ZNF337: variants seen among roughly 807,000 people sequenced by gnomAD.
ZNF337 encodes zinc finger protein 337.
In ZNF337, 8 loss-of-function variants were observed where a neutral mutation model predicts 12.1. The ratio of observed to expected loss-of-function variants is 0.66; its 90% CI spans 0.39 to 1.19. The LOEUF is 1.19. Ranked by LOEUF, ZNF337 falls within the 50% of genes most tolerant of loss-of-function variation. The pLI is 0.01. For missense variants in ZNF337, 882 were observed against 896.6 expected (o/e 0.98, Z 0.21); for synonymous variants, 336 against 320.0 (o/e 1.05, Z -0.53).
Position 25,674,099 on chromosome 20 carries a change from A to G in ZNF337, c.*933T>C, listed in dbSNP as rs912017575. 6.6e-6 allele frequency: 1 copy of G among 152,240 alleles called. No individual in the cohort carries two copies. Among genetic ancestry groups the G allele is most frequent in the African/African-American group, 2.4e-5 (1 of 41,460 alleles). The allele number at this position is 152,240 out of a possible 1,614,324, so 9.4% of individuals were successfully genotyped here. ...TGGAGGGAGTTCTCTGCAAAGACCA[A>G]TATGGGACTGCATATACAGAGATTT... On this transcript the variant is annotated 3_prime_UTR_variant, in exon 5 of 5. Coordinates refer to ENST00000252979, the MANE Select transcript of ZNF337 (RefSeq NM_015655.4).
chr20:25,674,942 AC>A lies in ZNF337; in HGVS notation c.*89del. 1.6e-6 allele frequency: 2 copies of A among 1,230,612 alleles called. No homozygotes were observed. The highest frequency in any genetic ancestry group is 1.4e-5 in the South Asian group (1 of 69,446). 76.2% of individuals were successfully genotyped at this position (1,230,612 alleles called of 1,614,324 possible). On this transcript the variant is annotated 3_prime_UTR_variant, in exon 5 of 5. Transcript: ENST00000252979. ...TTCTGTCTGCCTCTGTTATATCTTC[AC>A]GAACAAGTTATGCAGCCTCAACTAA...
rs964248276 is a variant in ZNF337 at position 25,674,795 on chromosome 20, C to G, written c.*237G>C. On this transcript the variant is annotated 3_prime_UTR_variant, in exon 5 of 5. Transcript: ENST00000252979. ...CTCAGTAGGAAAGAGACCACATTTC[C>G]CCAATAGCCCAGGTAATGCCCTCCC... 3.6e-6 allele frequency: 2 copies of G among 561,626 alleles called. No individual in the cohort carries two copies. The highest frequency in any genetic ancestry group is 6.3e-6 in the Non-Finnish European group (2 of 316,064). The allele number at this position is 561,626 out of a possible 1,614,324, so 34.8% of individuals were successfully genotyped here.
chr20:25,675,934 T>C lies in ZNF337; in HGVS notation c.1354A>G (p.Ile452Val). 6.2e-7 allele frequency: 1 copy of C among 1,613,714 alleles called. No individual in the cohort carries two copies. The highest frequency in any genetic ancestry group is 8.5e-7 in the Non-Finnish European group (1 of 1,179,884). The part of the protein sequence containing the change: ...IQKSTLVKHQ[I>V]THSEEKPFVC... ...AAAGGCTTCTCCTCTGAGTGTGTGATCTGATGTTTCACAAGGGTTGACTTC... is the reference window on the plus strand; with the variant it reads ...AAAGGCTTCTCCTCTGAGTGTGTGACCTGATGTTTCACAAGGGTTGACTTC... The change falls in exon 5 of 5, where the codon ATC becomes GTC. Residue 452 changes from isoleucine to valine, a missense_variant. Ile to Val is a conservative substitution (Grantham distance 29). Coordinates refer to ENST00000252979, the MANE Select transcript of ZNF337 (RefSeq NM_015655.4).
At chr20:25,686,782 C>A in intron 1 of ZNF337, 1 of 233,762 alleles carries the variant, frequency 4.3e-6, no homozygotes. Context: ...GTTCTTTGCA[C>A]TGGACAGAAT....
Position 25,674,916 on chromosome 20 carries a change from A to T in ZNF337, c.*116T>A. ...ATTCAGGTTCTCTGTAGCCCTCTGG[A>T]TTCTGTCTGCCTCTGTTATATCTTC... is the stretch of plus-strand genomic sequence containing the variant. On this transcript the variant is annotated 3_prime_UTR_variant, in exon 5 of 5. Transcript: ENST00000252979. 1 of 935,634 alleles carries T rather than the reference A, an allele frequency of 1.1e-6. No individual in the cohort carries two copies. The allele number at this position is 935,634 out of a possible 1,614,324, so 58.0% of individuals were successfully genotyped here.
At position 25,676,247 on chromosome 20, in the gene ZNF337, A is replaced by AGGCT; in HGVS notation, c.1037_1040dup (p.Tyr348AlafsTer12). The AGGCT allele has an allele frequency of 5.0e-6, 8 of 1,612,578 alleles. No homozygotes were observed. Among genetic ancestry groups the AGGCT allele is most frequent in the Non-Finnish European group, 5.9e-6 (7 of 1,179,630 alleles). ...CTCGGCCACACTCCTGGCATCTGTA[A>AGGCT]GGCTTCTCTCCTGAGTGTATTCTCT... is the stretch of plus-strand genomic sequence containing the variant. On this transcript the variant is annotated frameshift_variant, in exon 5 of 5. Transcript: ENST00000252979. LOFTEE classifies it low-confidence loss of function (END_TRUNC).
chr20:25,682,143 A>G (rs984982233), intron 4 of ZNF337, among the ~76,000 whole-genome samples: 5 of 152,222 alleles, frequency 3.3e-5, no homozygotes, highest in Non-Finnish European at 7.3e-5. Flanking sequence ...TGAAATAAGG[A>G]AAGTTAAATG....
chr20:25,684,657 T>C (rs932936022), intron 4 of ZNF337, among the ~76,000 whole-genome samples: 2 of 152,222 alleles, frequency 1.3e-5, no homozygotes, highest in Non-Finnish European at 2.9e-5. Context: ...ATCATTCTAC[T>C]ATAAAGACAC....
intron 1 of ZNF337, among the ~76,000 whole-genome samples, chr20:25,693,652 G>A (rs553977983): frequency 1.3e-5 from 2 of 152,330 alleles, no homozygotes; most frequent in Non-Finnish European, 2.9e-5. Flanking sequence ...TCTGGGGAAC[G>A]TTCCCCATGA....
chr20:25,675,237 G>C lies in ZNF337; in HGVS notation c.2051C>G (p.Pro684Arg). ...TCGCTTACACTCCTGGCAAACAAAA[G>C]GCTTCTCCTTTGAGTGTATCCGCCA... ...HHWRIHSKEK[P>R]FVCQECKRGY... is the part of the protein sequence containing the mutation. Residue 684 changes from proline to arginine, a missense_variant, in exon 5 of 5, where the codon CCT (proline) becomes CGT (arginine). Coordinates refer to ENST00000252979, the MANE Select transcript of ZNF337 (RefSeq NM_015655.4). The C allele has an allele frequency of 6.2e-7, 1 of 1,614,174 alleles. No individual in the cohort carries two copies. The highest frequency in any genetic ancestry group is 8.5e-7 in the Non-Finnish European group (1 of 1,180,042).
At chr20:25,684,398 A>G (rs958152862) in intron 4 of ZNF337, among the ~76,000 whole-genome samples, 1 of 152,162 alleles carries the variant, frequency 6.6e-6, no homozygotes, top group African/African-American at 2.4e-5. Flanking sequence ...TTAAAAAAAG[A>G]GAAATGCAAA....
chr20:25,683,905 T>C (rs576785166), intron 4 of ZNF337, among the ~76,000 whole-genome samples: 39 of 152,128 alleles, frequency 2.6e-4, no homozygotes, highest in Non-Finnish European at 5.1e-4. Context: ...CATGCACACG[T>C]ATGTTTATTG....
At chr20:25,685,543 T>C (rs1189941484) in intron 4 of ZNF337, 24 bp downstream of exon 4, 8 of 1,598,388 alleles carry the variant, frequency 5.0e-6, no homozygotes, top group Non-Finnish European at 6.9e-6. Context: ...CCTTGTGCTC[T>C]GTCTGCCCTG....
chr20:25,684,567 C>T lies in ZNF337; in HGVS notation c.250+1000G>A, dbSNP rs187338989. Among the ~76,000 whole-genome samples the T allele has an allele frequency of 8.3e-3, 1,257 of 152,114 alleles. 9 individuals are homozygous for T. Among genetic ancestry groups the T allele is most frequent in the Middle Eastern group, 0.034 (10 of 294 alleles). ...TCAACCATTGTGGAAGACAGTGTGG[C>T]GATTCCTCAAGGATCTAGAACTAGA... On this transcript the variant is annotated intron_variant, in intron 4 of 4. Coordinates refer to ENST00000252979, the MANE Select transcript of ZNF337 (RefSeq NM_015655.4).
intron 4 of ZNF337, among the ~76,000 whole-genome samples, chr20:25,684,007 G>A (rs1167348397): frequency 1.3e-5 from 2 of 151,960 alleles, no homozygotes; most frequent in African/African-American, 4.8e-5. Flanking sequence ...TATACACCAT[G>A]GAATACTATG....
chr20:25,685,622 C>G lies in ZNF337; in HGVS notation c.195G>C (p.Glu65Asp). The change falls in exon 4 of 5, where the codon GAG becomes GAC. Residue 65 changes from glutamate to aspartate, a missense_variant. By Grantham distance (45) the Glu-to-Asp change is conservative. Coordinates refer to ENST00000252979, the MANE Select transcript of ZNF337 (RefSeq NM_015655.4). Reference sequence around the variant, plus strand: ...CTTCTCCCCAGGGCACTTCCCCTTGCTCTAGCCGCCTGATGAGTTCTGGTT... The same window carrying G: ...CTTCTCCCCAGGGCACTTCCCCTTGGTCTAGCCGCCTGATGAGTTCTGGTT... Reference protein sequence around the residue: ...HSKPELIRRLEQGEVPWGEER... With the variant: ...HSKPELIRRLDQGEVPWGEER... The G allele has an allele frequency of 6.2e-7, 1 of 1,614,224 alleles. No individual in the cohort carries two copies. The highest frequency in any genetic ancestry group is 1.1e-5 in the South Asian group (1 of 91,086).
rs948239949 is a variant in ZNF337 at position 25,674,943 on chromosome 20, C to T, written c.*89G>A. 10 of 1,252,662 alleles carry T rather than the reference C, an allele frequency of 8.0e-6. No individual in the cohort carries two copies. The highest frequency in any genetic ancestry group is 4.7e-5 in the East Asian group (2 of 42,548). 77.6% of individuals were successfully genotyped at this position (1,252,662 alleles called of 1,614,324 possible). Reference sequence around the variant, plus strand: ...TCTGTCTGCCTCTGTTATATCTTCACGAACAAGTTATGCAGCCTCAACTAA... The same window carrying T: ...TCTGTCTGCCTCTGTTATATCTTCATGAACAAGTTATGCAGCCTCAACTAA... On this transcript the variant is annotated 3_prime_UTR_variant, in exon 5 of 5. Coordinates refer to ENST00000252979, the MANE Select transcript of ZNF337 (RefSeq NM_015655.4).
rs1270295455 is a variant in ZNF337 at position 25,676,688 on chromosome 20, T to C, written c.600A>G (p.Lys200=). The C allele has an allele frequency of 6.2e-7, 1 of 1,614,238 alleles. No homozygotes were observed. The highest frequency in any genetic ancestry group is 1.1e-5 in the South Asian group (1 of 91,088). ...TAAAAAGTTTCTGCCTGGAATGTGC[T>C]TTTTTGTGTATGATTACCATCATCT... The part of the protein sequence containing the change: ...SRKMMVIIHK[K]AHSRQKLFTC... Residue 200 remains lysine (K), a synonymous_variant, in exon 5 of 5, where the codon AAA becomes AAG. Coordinates refer to ENST00000252979, the MANE Select transcript of ZNF337 (RefSeq NM_015655.4).
Position 25,684,075 on chromosome 20 carries a change from C to T in ZNF337, c.250+1492G>A, listed in dbSNP as rs551238628. On this transcript the variant is annotated intron_variant, in intron 4 of 4. Coordinates refer to ENST00000252979, the MANE Select transcript of ZNF337 (RefSeq NM_015655.4). ...ACAGGGACATGGATGAAGTTGGAAA[C>T]CATCATTCTCAGCAAACTATCTCAA... 4.0e-5 allele frequency among the ~76,000 whole-genome samples: 6 copies of T among 151,630 alleles called. No homozygotes were observed. In the South Asian group the frequency reaches 1.3e-3, roughly 32 times the overall value.
Sources: gnomAD v4.1 joint callset for allele counts (sites outside exome capture counted in the v4.1 genomes callset) on GRCh38, gnomAD v4.1.1 for gene constraint, MANE v1.5 for transcripts, NCBI Gene and HGNC (gene_info 2026-07-23, HGNC 2026-07-21) for gene names.